The following FDFT1 variants were observed in gnomAD, a reference collection of about 807,000 sequenced individuals.
FDFT1 encodes farnesyl-diphosphate farnesyltransferase 1.
A neutral mutation model predicts 46.8 loss-of-function variants in FDFT1; 68 were observed. That is an observed-to-expected ratio of 1.45 (90% CI 1.19 to 1.78). FDFT1 has a LOEUF of 1.78. Among genes scored for constraint, FDFT1 ranks in the 40% most tolerant of loss-of-function variants. The pLI, the probability that FDFT1 is intolerant of heterozygous loss-of-function variation, is 0.00. For missense variants in FDFT1, 928 were observed against 524.4 expected (o/e 1.77, Z -7.52); for synonymous variants, 351 against 185.1 (o/e 1.90, Z -7.28).
chr8:11,803,635 A>AT (rs2130670196), intron 1 of FDFT1: 1 of 502,530 alleles, frequency 2.0e-6, no homozygotes, highest in African/African-American at 2.0e-5. Flanking sequence ...CGATTATTGA[A>AT]TGAATAGACA....
At chr8:11,836,039 C>G (rs1293324) in intron 7 of FDFT1, among the ~76,000 whole-genome samples, 143,583 of 147,272 alleles carry the variant, frequency 0.97, 70,095 homozygotes, top group Non-Finnish European at 1. Flanking sequence ...TGTAATCCCA[C>G]CTACTTGGGA....
At chr8:11,801,758 ATCT>A (rs1806140800), upstream of FDFT1, 2 of 353,008 alleles carry the variant, frequency 5.7e-6, no homozygotes, top group African/African-American at 4.5e-5. Context: ...CAGCGGTGTC[ATCT>A]TGGCTCACTG....
chr8:11,802,979 G>A, intron 1 of FDFT1, 48 bp downstream of exon 1: 1 of 1,557,358 alleles, frequency 6.4e-7, no homozygotes. Flanking sequence ...GAGCTCGCTG[G>A]GCCGGCCTCA....
chr8:11,826,510 G>T (rs1193056443), intron 5 of FDFT1, among the ~76,000 whole-genome samples: 2 of 152,140 alleles, frequency 1.3e-5, no homozygotes, highest in Non-Finnish European at 2.9e-5. Context: ...TTAACAAAAA[G>T]TTCTTAGGAA....
At chr8:11,807,438 T>TA (rs1807005964) in intron 1 of FDFT1, among the ~76,000 whole-genome samples, 1 of 152,172 alleles carries the variant, frequency 6.6e-6, no homozygotes, top group Non-Finnish European at 1.5e-5. Flanking sequence ...GCAGGGATTA[T>TA]AGGCGTGCGC....
At chr8:11,805,323 T>G (rs868051665) in intron 1 of FDFT1, among the ~76,000 whole-genome samples, 33 of 152,222 alleles carry the variant, frequency 2.2e-4, no homozygotes, top group African/African-American at 6.8e-4. Flanking sequence ...TTTAGTAAAC[T>G]TGATTTACAC....
chr8:11,827,244 T>G (rs1020073639), intron 5 of FDFT1, among the ~76,000 whole-genome samples: 4 of 152,132 alleles, frequency 2.6e-5, no homozygotes, highest in African/African-American at 9.7e-5. Flanking sequence ...GGCCAGGAGT[T>G]CAAGACCAGC....
At chr8:11,831,355 C>G (rs1222434119) in intron 6 of FDFT1, among the ~76,000 whole-genome samples, 163 bp from the exon 7 acceptor site, 1 of 152,168 alleles carries the variant, frequency 6.6e-6, no homozygotes, top group East Asian at 1.9e-4. Flanking sequence ...AGGTAAAAAT[C>G]TTGACATACT....
At position 11,808,794 on chromosome 8, in the gene FDFT1, G is replaced by GACTCGCGA; in HGVS notation, c.106_107insGAACTCGC (p.Leu36ArgfsTer8). 6 of 1,613,070 alleles carry GACTCGCGA rather than the reference G, an allele frequency of 3.7e-6. No homozygotes were observed. Among genetic ancestry groups the GACTCGCGA allele is most frequent in the Non-Finnish European group, 5.1e-6 (6 of 1,179,796 alleles). On this transcript the variant is annotated frameshift_variant and splice_region_variant, in exon 2 of 8. Transcript: ENST00000220584. LOFTEE classifies it high-confidence loss of function. ...CGCCGTGTGTGTTGTCTGCCCGCAG[G>GACTCGCGA]ACTCGCTCAGCAGCAGCCTGAAAAC...
chr8:11,830,794 T>A (rs1431415338), intron 6 of FDFT1, among the ~76,000 whole-genome samples: 1 of 152,250 alleles, frequency 6.6e-6, no homozygotes, highest in African/African-American at 2.4e-5. Flanking sequence ...TAATTACTGC[T>A]GTCCTTTTCC....
chr8:11,807,411 C>T (rs1317298990), intron 1 of FDFT1, among the ~76,000 whole-genome samples: 4 of 152,206 alleles, frequency 2.6e-5, no homozygotes, highest in African/African-American at 9.6e-5. Flanking sequence ...GATTCTCCCA[C>T]CTTGGCCTTC....
At chr8:11,801,016 C>G (rs904669920), upstream of FDFT1, among the ~76,000 whole-genome samples, 2 of 152,024 alleles carry the variant, frequency 1.3e-5, no homozygotes, top group South Asian at 2.1e-4. Context: ...TAAATATAGG[C>G]AAGTAGACCC....
At chr8:11,811,586 G>C (rs887010668) in intron 3 of FDFT1, among the ~76,000 whole-genome samples, 2 of 152,188 alleles carry the variant, frequency 1.3e-5, no homozygotes, top group African/African-American at 4.8e-5. Flanking sequence ...GTGTCTTCCT[G>C]TGTTCATACA....
intron 3 of FDFT1, among the ~76,000 whole-genome samples, chr8:11,811,456 G>C (rs573384575): frequency 2.0e-5 from 3 of 152,166 alleles, no homozygotes; most frequent in African/African-American, 7.2e-5. Context: ...GCTAAGTCAA[G>C]GCAGCCCTAT....
chr8:11,810,086 T>TG (rs1807491647), intron 3 of FDFT1: 1 of 480,822 alleles, frequency 2.1e-6, no homozygotes, highest in African/African-American at 2.0e-5. Flanking sequence ...GTGCCTCAGT[T>TG]TCTTCATCTG....
upstream of FDFT1, chr8:11,802,601 G>C (rs960806403): frequency 6.7e-6 from 4 of 595,054 alleles, no homozygotes; most frequent in Non-Finnish European, 1.2e-5. Context: ...TAGTGTGAGC[G>C]GCCCTGGCCA....
At chr8:11,799,708 G>A (rs953574169), upstream of FDFT1, among the ~76,000 whole-genome samples, 2 of 152,218 alleles carry the variant, frequency 1.3e-5, no homozygotes, top group African/African-American at 4.8e-5. Flanking sequence ...AGTACCTGGG[G>A]AGGCTGAGGC....
Position 11,826,082 on chromosome 8 carries a change from C to A in FDFT1, c.569C>A (p.Ser190Ter). The part of the protein sequence containing the change: ...GIGLSRLFSA[S>*]EFEDPLVGED... ...GGCCTTTCCCGTCTTTTCTCAGCCT[C>A]AGAGTTTGAAGACCCCTTAGTTGGT... The change falls in exon 5 of 8, where the codon TCA becomes TAA. Residue 190 changes from serine (S) to a stop codon, truncating the protein, a stop_gained. Transcript: ENST00000220584. LOFTEE classifies it high-confidence loss of function. 6.2e-7 allele frequency: 1 copy of A among 1,608,848 alleles called. No homozygotes were observed. The highest frequency in any genetic ancestry group is 8.5e-7 in the Non-Finnish European group (1 of 1,175,920).
chr8:11,831,630 T>C lies in FDFT1; in HGVS notation c.992T>C (p.Met331Thr). The stretch of plus-strand genomic sequence containing the variant: ...ACCCTGATGATGGATGCCACCAATA[T>C]GCCAGCTGTCAAAGCCATCATATAT... ...AVTLMMDATNMPAVKAIIYQY... is the reference protein window; with the variant it reads ...AVTLMMDATNTPAVKAIIYQY... Residue 331 changes from methionine (M) to threonine (T), a missense_variant, in exon 7 of 8, where the codon ATG becomes ACG. Coordinates refer to ENST00000220584, the MANE Select transcript of FDFT1 (RefSeq NM_004462.5). The C allele has an allele frequency of 6.2e-7, 1 of 1,614,116 alleles. No individual in the cohort carries two copies. The highest frequency in any genetic ancestry group is 8.5e-7 in the Non-Finnish European group (1 of 1,179,914).
Sources: gnomAD v4.1 joint callset for allele counts (sites outside exome capture counted in the v4.1 genomes callset) on GRCh38, gnomAD v4.1.1 for gene constraint, MANE v1.5 for transcripts, NCBI Gene and HGNC (gene_info 2026-07-23, HGNC 2026-07-21) for gene names.